The following CACNA2D3 variants were observed in gnomAD, a reference collection of about 807,000 sequenced individuals.
CACNA2D3 encodes the protein voltage-dependent calcium channel subunit alpha-2/delta-3.
A neutral mutation model predicts 160.6 loss-of-function variants in CACNA2D3; 60 were observed. The ratio of observed to expected loss-of-function variants is 0.37; its 90% CI spans 0.30 to 0.46. The LOEUF is 0.46. Among genes scored for constraint, CACNA2D3 ranks in the 20% least tolerant of loss-of-function variants. The probability of loss-of-function intolerance (pLI) is 1.00; values close to 1 mark genes in which losing one functional copy is unlikely to be tolerated. For missense variants in CACNA2D3, 1,205 were observed against 1,365.0 expected, an observed-to-expected ratio of 0.88 and a Z score of 1.85; for synonymous variants, 558 against 492.9, an observed-to-expected ratio of 1.13 and a Z score of -1.75.
intron 14 of CACNA2D3, among the ~76,000 whole-genome samples, chr3:54,821,677 TTTC>T (rs1703600853): frequency 8.0e-6 from 1 of 124,268 alleles, no homozygotes; most frequent in African/African-American, 3.0e-5. Context: ...TCTTTCTTTC[TTTC>T]TTTCTTTCTT....
chr3:54,545,382 C>T lies in CACNA2D3; in HGVS notation c.545-17418C>T, dbSNP rs528097541. Among the ~76,000 whole-genome samples the T allele has an allele frequency of 1.0e-3, 152 of 152,320 alleles. 2 individuals are homozygous for T. Among genetic ancestry groups the T allele is most frequent in the African/African-American group, 3.3e-3 (137 of 41,572 alleles). ...TTGTCATATATCATTTTTGTAGCAGCTGGCTTGTTCCACTCTTGGTGTACT... is the reference window on the plus strand; with the variant it reads ...TTGTCATATATCATTTTTGTAGCAGTTGGCTTGTTCCACTCTTGGTGTACT... On this transcript the variant is annotated intron_variant, in intron 5 of 37. Coordinates refer to ENST00000474759, the MANE Select transcript of CACNA2D3 (RefSeq NM_018398.3).
chr3:54,924,981 A>G, intron 27 of CACNA2D3: 4 of 1,611,660 alleles, frequency 2.5e-6, no homozygotes, highest in Non-Finnish European at 3.4e-6. Context: ...ATTGTTGGAC[A>G]AGTTTAAGGT....
chr3:54,832,720 T>C (rs1480627266), intron 14 of CACNA2D3, among the ~76,000 whole-genome samples: 1 of 152,206 alleles, frequency 6.6e-6, no homozygotes, highest in African/African-American at 2.4e-5. Context: ...CAGCTAGTTC[T>C]TCCTCTGCCA....
At chr3:54,311,509 C>T (rs1011715269) in intron 2 of CACNA2D3, among the ~76,000 whole-genome samples, 2 of 152,152 alleles carry the variant, frequency 1.3e-5, no homozygotes, top group Admixed American at 6.5e-5. Flanking sequence ...CCTCTTTCTC[C>T]CTGGTGACTG....
chr3:54,415,864 T>G (rs578152517), intron 4 of CACNA2D3, among the ~76,000 whole-genome samples: 1 of 152,270 alleles, frequency 6.6e-6, no homozygotes, highest in South Asian at 2.1e-4. Context: ...GACCATAGGT[T>G]GTAACATTGA....
intron 11 of CACNA2D3, among the ~76,000 whole-genome samples, chr3:54,751,816 GT>G (rs1053532150): frequency 6.6e-6 from 1 of 152,014 alleles, no homozygotes; most frequent in African/African-American, 2.4e-5. Context: ...GAAGGGTTTT[GT>G]TTGGACTGTG....
intron 2 of CACNA2D3, among the ~76,000 whole-genome samples, chr3:54,147,136 G>A (rs970070789): frequency 6.6e-6 from 1 of 152,240 alleles, no homozygotes; most frequent in African/African-American, 2.4e-5. Flanking sequence ...GAGAGCTGGG[G>A]GTGAGGGGAC....
rs139016616 is a variant in CACNA2D3 at position 54,803,644 on chromosome 3, C to T, written c.1381-13209C>T. On this transcript the variant is annotated intron_variant, in intron 13 of 37. Transcript: ENST00000474759. ...GGAAAACACTCTGCAGGATATGATC[C>T]AGTAGAACTTCCCCAATCTAGCAAG... Among the ~76,000 whole-genome samples the T allele has an allele frequency of 1.2e-3, 185 of 152,236 alleles. 5 individuals are homozygous for T. In the East Asian group the frequency reaches 0.027, roughly 22 times the overall value.
rs553514826 is a variant in CACNA2D3, at chr3:55,025,208, A to G, written c.2987+6891A>G. ...AAAGAAAGAAATGCAGTTGGATTAA[A>G]GAAAGTGACCTAAAGATTTCAAACT... is the stretch of plus-strand genomic sequence containing the variant. On this transcript the variant is annotated intron_variant, in intron 35 of 37. Coordinates refer to ENST00000474759, the MANE Select transcript of CACNA2D3 (RefSeq NM_018398.3). 1.3e-3 allele frequency among the ~76,000 whole-genome samples: 202 copies of G among 152,336 alleles called. 3 individuals are homozygous for G. The highest frequency in any genetic ancestry group is 0.01 in the South Asian group (49 of 4,820).
chr3:54,472,114 G>A (rs142798717), intron 4 of CACNA2D3, among the ~76,000 whole-genome samples: 3,748 of 152,148 alleles, frequency 0.025, 91 homozygotes, highest in East Asian at 0.11. Flanking sequence ...TTTCAGGCCA[G>A]TATCCCTGAT....
chr3:54,227,801 G>A (rs1701701765), intron 2 of CACNA2D3, among the ~76,000 whole-genome samples: 1 of 151,896 alleles, frequency 6.6e-6, no homozygotes, highest in African/African-American at 2.4e-5. Context: ...CACCCTCCTC[G>A]GCCTCCCAAA....
At chr3:54,796,462 A>G (rs1326607115) in intron 13 of CACNA2D3, among the ~76,000 whole-genome samples, 1 of 152,192 alleles carries the variant, frequency 6.6e-6, no homozygotes, top group African/African-American at 2.4e-5. Flanking sequence ...GAGAACTAAT[A>G]TCAGGCAACA....
At chr3:54,237,046 A>G (rs1374873121) in intron 2 of CACNA2D3, among the ~76,000 whole-genome samples, 1 of 151,004 alleles carries the variant, frequency 6.6e-6, no homozygotes, top group East Asian at 2.0e-4. Context: ...ACATTCCATT[A>G]AGGGAAGTCT....
At chr3:54,651,844 C>T (rs1247587346) in intron 11 of CACNA2D3, among the ~76,000 whole-genome samples, 1 of 152,144 alleles carries the variant, frequency 6.6e-6, no homozygotes, top group Non-Finnish European at 1.5e-5. Flanking sequence ...TTCTGTGGGG[C>T]ATGTGCCATT....
Position 54,652,476 on chromosome 3 carries a change from G to T in CACNA2D3, c.1167+10235G>T, listed in dbSNP as rs146885170. Among the ~76,000 whole-genome samples, 853 of 152,262 alleles carry T rather than the reference G, an allele frequency of 5.6e-3. 12 individuals carry two copies. Among genetic ancestry groups the T allele is most frequent in the African/African-American group, 0.02 (816 of 41,546 alleles). On this transcript the variant is annotated intron_variant, in intron 11 of 37. Coordinates refer to ENST00000474759, the MANE Select transcript of CACNA2D3 (RefSeq NM_018398.3). ...AAACAAGAACCTGAGACAGAGAATG[G>T]GTAATGGCAGCTCTCCTAGACAGGG...
chr3:54,731,393 C>G (rs978976093), intron 11 of CACNA2D3, among the ~76,000 whole-genome samples: 1 of 152,174 alleles, frequency 6.6e-6, no homozygotes, highest in African/African-American at 2.4e-5. Context: ...GACCCTCATA[C>G]ATTGAGCTGT....
chr3:54,679,564 T>C (rs1365743758), intron 11 of CACNA2D3, among the ~76,000 whole-genome samples: 10 of 152,186 alleles, frequency 6.6e-5, no homozygotes. Flanking sequence ...CAATGTCATA[T>C]ACCCTCTGCC....
At chr3:54,436,831 G>A (rs1191868990) in intron 4 of CACNA2D3, among the ~76,000 whole-genome samples, 2 of 152,096 alleles carry the variant, frequency 1.3e-5, no homozygotes, top group Non-Finnish European at 2.9e-5. Context: ...TAAGGCATGC[G>A]GGGCTTAAAA....
At chr3:54,695,228 G>T (rs776008473) in intron 11 of CACNA2D3, among the ~76,000 whole-genome samples, 4 of 152,100 alleles carry the variant, frequency 2.6e-5, no homozygotes, top group Non-Finnish European at 4.4e-5. Flanking sequence ...ATGTTGGCCA[G>T]GCTGGTCTTG....
Sources: allele counts gnomAD v4.1 joint callset (sites outside exome capture counted in the v4.1 genomes callset), GRCh38; gene constraint gnomAD v4.1.1; transcripts MANE v1.5; gene names NCBI Gene and HGNC (gene_info 2026-07-23, HGNC 2026-07-21).